MTCL1: variants seen among roughly 807,000 people sequenced by gnomAD.
MTCL1 encodes microtubule cross-linking factor 1.
In MTCL1, 79 loss-of-function variants were observed where a neutral mutation model predicts 141.4. The ratio of observed to expected loss-of-function variants is 0.56; its 90% confidence interval spans 0.47 to 0.67. The LOEUF is 0.67. Ranked by LOEUF, MTCL1 falls within the 30% of genes least tolerant of loss-of-function variation. The probability of loss-of-function intolerance (pLI) is 0.00; values close to 1 mark genes in which losing one functional copy is unlikely to be tolerated. For synonymous variants in MTCL1, 914 were observed against 875.8 expected (o/e 1.04, Z -0.77); for missense variants, 2,177 against 2,113.9 (o/e 1.03, Z -0.59).
chr18:8,772,090 T>C (rs2096487268), intron 4 of MTCL1, among the ~76,000 whole-genome samples: 1 of 152,250 alleles, frequency 6.6e-6, no homozygotes, highest in Non-Finnish European at 1.5e-5. Flanking sequence ...TTGAGGAGCC[T>C]GCGTGGCTCT....
intron 7 of MTCL1, 113 bp downstream of exon 6, chr18:8,786,204 A>G (rs1598656868): frequency 1.8e-6 from 2 of 1,129,036 alleles, no homozygotes; most frequent in Middle Eastern, 1.9e-4. Context: ...TGGCAGGAGG[A>G]GGTGGAACTA....
At chr18:8,708,362 T>G (rs1316712608) in intron 1 of MTCL1, among the ~76,000 whole-genome samples, 1 of 152,242 alleles carries the variant, frequency 6.6e-6, no homozygotes, top group African/African-American at 2.4e-5. Flanking sequence ...TTCCTTTATT[T>G]TTTCCCAATG....
At chr18:8,792,473 A>G (rs966089541) in intron 7 of MTCL1, among the ~76,000 whole-genome samples, 4 of 152,210 alleles carry the variant, frequency 2.6e-5, no homozygotes, top group African/African-American at 9.7e-5. Context: ...TGCCCTGAGC[A>G]TCGGTGTCAG....
intron 4 of MTCL1, among the ~76,000 whole-genome samples, chr18:8,772,853 T>G (rs2096490479): frequency 6.6e-6 from 1 of 151,908 alleles, no homozygotes; most frequent in Non-Finnish European, 1.5e-5. Flanking sequence ...CTATAATGAG[T>G]CCTATTGTAT....
At chr18:8,800,868 C>T (rs1293090111) in intron 10 of MTCL1, 1 of 149,124 alleles carries the variant, frequency 6.7e-6, no homozygotes, top group East Asian at 2.0e-4. Context: ...GTTACTTTTT[C>T]ATTCAGGGAT....
chr18:8,810,862 C>G lies in MTCL1; in HGVS notation c.2605-2117C>G, dbSNP rs1459816340. 2.0e-5 allele frequency among the ~76,000 whole-genome samples: 3 copies of G among 152,270 alleles called. No homozygotes were observed. The highest frequency in any genetic ancestry group is 6.5e-5 in the Admixed American group (1 of 15,288). On this transcript the variant is annotated intron_variant, in intron 11 of 16. Coordinates refer to ENST00000359865, the Ensembl canonical transcript of MTCL1. This position sits in a 1 kb window ranked among gnomAD's most constrained non-coding sequence, Gnocchi z 5.0. ...CGTGGCTGTCATCTGCTTCCTCAAG[C>G]CTTTCCCTGCTTTCTCTCCAAGCAG... is the stretch of plus-strand genomic sequence containing the variant.
intron 4 of MTCL1, among the ~76,000 whole-genome samples, chr18:8,744,674 T>A (rs1445327601): frequency 2.0e-5 from 3 of 152,232 alleles, no homozygotes; most frequent in Admixed American, 6.5e-5. Flanking sequence ...AACTGTCCCA[T>A]TTAAAGCATG....
chr18:8,813,060 G>T (rs754278954), exon 12 of MTCL1: 1 of 1,614,216 alleles, frequency 6.2e-7, no homozygotes. Context: ...GGAGAGAGAG[G>T]TGCACCAGAA....
At chr18:8,815,790 C>T (rs7231327) in intron 12 of MTCL1, among the ~76,000 whole-genome samples, 1,623 of 152,140 alleles carry the variant, frequency 0.011, 28 homozygotes, top group African/African-American at 0.037. Flanking sequence ...AACTGACAGC[C>T]TCAGAACCCA....
At chr18:8,706,740 C>G (rs2096059852) in intron 1 of MTCL1, 27 bp downstream of exon 1, 2 of 1,542,442 alleles carry the variant, frequency 1.3e-6, no homozygotes, top group East Asian at 4.9e-5. Context: ...CCGCAGGTGT[C>G]CCGGGGCGCC....
chr18:8,784,378 T>G lies in MTCL1; in HGVS notation c.1266T>G (p.Phe422Leu), dbSNP rs1220585176. 3.3e-6 allele frequency: 5 copies of G among 1,528,054 alleles called. No homozygotes were observed. The South Asian group carries it at 6.5e-5, about 20-fold the overall frequency. 94.7% of individuals were successfully genotyped at this position (1,528,054 alleles called of 1,614,324 possible). A position where few individuals can be genotyped will look rare whatever the true frequency, so the allele number is the denominator to read the frequency against. The stretch of plus-strand genomic sequence containing the variant: ...GGGAGAGTGACTCGGAGGAAATGTT[T>G]GAGAAGACGTCGGGCTTCGGGAGCG... Residue 422 changes from phenylalanine (F) to leucine (L), a missense_variant, in exon 6 of 17, where the codon TTT becomes TTG. Phe to Leu is a conservative substitution (Grantham distance 22). Transcript: ENST00000359865.
rs1232858067 is a variant in MTCL1, at chr18:8,710,939, G to A, written c.1053+4226G>A. Among the ~76,000 whole-genome samples the A allele has an allele frequency of 3.9e-5, 5 of 128,300 alleles. No individual in the cohort carries two copies. The South Asian group carries it at 7.4e-4, about 19-fold the overall frequency. The allele number at this position is 128,300 out of a possible 152,430, so 84.2% of individuals were successfully genotyped here. On this transcript the variant is annotated intron_variant, in intron 1 of 13. Transcript: ENST00000306329. ...GTTTTAGGGTACATGTGCACATTGT[G>A]CAGGTTAGTTACATATGTATACATG... is the stretch of plus-strand genomic sequence containing the variant.
At chr18:8,738,236 C>A (rs1390200155) in intron 4 of MTCL1, among the ~76,000 whole-genome samples, 2 of 152,178 alleles carry the variant, frequency 1.3e-5, no homozygotes, top group East Asian at 3.9e-4. Flanking sequence ...ATGCATTAAT[C>A]ATCTGCTAGA....
chr18:8,706,765 C>T (rs1487976017), intron 1 of MTCL1, 52 bp downstream of exon 1: 2 of 1,536,932 alleles, frequency 1.3e-6, no homozygotes, highest in Non-Finnish European at 1.7e-6. Flanking sequence ...GAGGGCCTGG[C>T]TGCGGCGGGG....
chr18:8,778,690 C>G (rs1478483675), intron 5 of MTCL1, among the ~76,000 whole-genome samples: 1 of 152,220 alleles, frequency 6.6e-6, no homozygotes, highest in Non-Finnish European at 1.5e-5. Context: ...GCAGAAAGCT[C>G]AACTGTTCCC....
chr18:8,706,363 G>C, exon 1 of MTCL1: 3 of 1,230,298 alleles, frequency 2.4e-6, no homozygotes, highest in Non-Finnish European at 3.0e-6. Flanking sequence ...CAGCGACGCC[G>C]AATCCGGCAC....
exon 13 of MTCL1, chr18:8,819,077 A>C (rs201332575): frequency 1.2e-6 from 2 of 1,614,238 alleles, no homozygotes; most frequent in Admixed American, 1.7e-5. Context: ...TCCAGTGGCC[A>C]TGTGGCCTTG....
chr18:8,784,022 C>G (rs901492030), exon 6 of MTCL1: 5 of 1,613,560 alleles, frequency 3.1e-6, no homozygotes, highest in African/African-American at 1.3e-5. Context: ...GCAACTGACC[C>G]ACGAGCTCAG....
At chr18:8,790,350 G>T (rs1189298473) in intron 7 of MTCL1, among the ~76,000 whole-genome samples, 1 of 152,232 alleles carries the variant, frequency 6.6e-6, no homozygotes, top group Non-Finnish European at 1.5e-5. Flanking sequence ...CAATAAGCTT[G>T]ATTAGGATGT....
Sources: gnomAD v4.1 joint callset for allele counts (sites outside exome capture counted in the v4.1 genomes callset) on GRCh38, gnomAD v4.1.1 for gene constraint, Gnocchi (gnomAD v3.1) non-coding constraint, MANE v1.5 for transcripts, NCBI Gene and HGNC (gene_info 2026-07-23, HGNC 2026-07-21) for gene names.